FBXW8: variants seen among roughly 807,000 people sequenced by gnomAD.
FBXW8 encodes F-box/WD repeat-containing protein 8.
FBXW8 carries 57 observed loss-of-function variants against 65.3 expected under a neutral mutation model. That is an observed-to-expected ratio of 0.87 (90% CI 0.71 to 1.09). FBXW8 has a LOEUF of 1.09. Ranked by LOEUF, FBXW8 falls within the 50% of genes least tolerant of loss-of-function variation. The probability of loss-of-function intolerance (pLI) is 0.00; values close to 1 mark genes in which losing one functional copy is unlikely to be tolerated. For synonymous variants in FBXW8, 308 were observed against 330.2 expected, an observed-to-expected ratio of 0.93 and a Z score of 0.73; for missense variants, 777 against 814.8, an observed-to-expected ratio of 0.95 and a Z score of 0.57.
At chr12:116,912,685 G>A (rs954395545) in intron 1 of FBXW8, among the ~76,000 whole-genome samples, 15 of 151,828 alleles carry the variant, frequency 9.9e-5, no homozygotes, top group Non-Finnish European at 1.8e-4. Context: ...GGATGGTCTC[G>A]ATCTCCTGAC....
chr12:116,923,642 G>C (rs1186919306), intron 1 of FBXW8, among the ~76,000 whole-genome samples: 3 of 151,822 alleles, frequency 2.0e-5, no homozygotes, highest in African/African-American at 7.3e-5. Context: ...TCCTGGCTCA[G>C]CCTCTCGAGT....
intron 7 of FBXW8, among the ~76,000 whole-genome samples, chr12:117,006,046 G>A (rs954438121): frequency 1.1e-4 from 16 of 152,190 alleles, no homozygotes; most frequent in African/African-American, 3.4e-4. Context: ...CTATTGTCTT[G>A]TAAGGAAGCC....
At chr12:116,969,695 C>T (rs7316144) in intron 5 of FBXW8, among the ~76,000 whole-genome samples, 102,564 of 151,568 alleles carry the variant, frequency 0.68, 39,557 homozygotes, top group Non-Finnish European at 0.84. Flanking sequence ...GAAACGCCCT[C>T]GCTGGTCTAC....
chr12:116,994,570 T>C (rs900960283), intron 7 of FBXW8, among the ~76,000 whole-genome samples: 3 of 152,248 alleles, frequency 2.0e-5, no homozygotes, highest in African/African-American at 4.8e-5. Context: ...TATGCACTTA[T>C]AATCAAATTA....
chr12:116,940,349 A>C (rs1291099842), intron 2 of FBXW8, among the ~76,000 whole-genome samples: 3 of 146,926 alleles, frequency 2.0e-5, no homozygotes, highest in African/African-American at 7.6e-5. Flanking sequence ...GCAATGGATG[A>C]CAGAATTGGG....
chr12:116,922,346 C>T (rs2137297824), intron 1 of FBXW8, among the ~76,000 whole-genome samples: 1 of 152,170 alleles, frequency 6.6e-6, no homozygotes, highest in Admixed American at 6.5e-5. Context: ...TTTTGCAGTA[C>T]ATGGAAAGTT....
At chr12:116,988,262 A>G (rs748274317) in intron 6 of FBXW8, among the ~76,000 whole-genome samples, 3 of 152,162 alleles carry the variant, frequency 2.0e-5, no homozygotes, top group Non-Finnish European at 4.4e-5. Flanking sequence ...TGGTATTTTG[A>G]TAAGAGTAGC....
intron 4 of FBXW8, among the ~76,000 whole-genome samples, chr12:116,956,639 A>G (rs963031387): frequency 2.6e-5 from 4 of 152,228 alleles, no homozygotes; most frequent in Non-Finnish European, 5.9e-5. Context: ...GTGGAATTTT[A>G]TCATTGTTTT....
intron 2 of FBXW8, among the ~76,000 whole-genome samples, chr12:116,938,298 C>A (rs1882300520): frequency 6.6e-6 from 1 of 152,124 alleles, no homozygotes; most frequent in Non-Finnish European, 1.5e-5. Flanking sequence ...CAATCCTGAT[C>A]CCTTTTTGGA....
intron 8 of FBXW8, among the ~76,000 whole-genome samples, chr12:117,020,203 T>C (rs1954062074): frequency 1.3e-5 from 2 of 152,244 alleles, no homozygotes. Flanking sequence ...GTCACCTACG[T>C]CATTCCAGTT....
chr12:116,973,925 C>T (rs1239852900), intron 5 of FBXW8, among the ~76,000 whole-genome samples: 1 of 152,212 alleles, frequency 6.6e-6, no homozygotes, highest in Non-Finnish European at 1.5e-5. Flanking sequence ...CTGGATTTAT[C>T]TTTCCACCTT....
intron 5 of FBXW8, among the ~76,000 whole-genome samples, chr12:116,977,239 A>G (rs1885004156): frequency 6.6e-6 from 1 of 152,148 alleles, no homozygotes; most frequent in South Asian, 2.1e-4. Context: ...ACTTTCCTTG[A>G]AAGGGAATTA....
intron 8 of FBXW8, among the ~76,000 whole-genome samples, chr12:117,021,073 C>T (rs1196792202): frequency 2.0e-5 from 3 of 152,204 alleles, no homozygotes; most frequent in Non-Finnish European, 4.4e-5. Context: ...TTCTGCTCGC[C>T]TCAGCTGTCT....
intron 9 of FBXW8, among the ~76,000 whole-genome samples, chr12:117,026,175 G>C (rs577350154): frequency 6.2e-4 from 94 of 152,270 alleles, no homozygotes; most frequent in African/African-American, 2.1e-3. Flanking sequence ...TGCCTGACAG[G>C]GTGCCGTCAG....
intron 5 of FBXW8, among the ~76,000 whole-genome samples, chr12:116,971,028 T>A (rs1884616128): frequency 6.6e-6 from 1 of 152,140 alleles, no homozygotes; most frequent in Non-Finnish European, 1.5e-5. Flanking sequence ...TTCATAAATG[T>A]AAACTTTTTT....
In FBXW8 at chr12:117,027,641, CAT is replaced by C. The variant is rs1354035447; in HGVS notation, c.1652+139_1652+140del. The stretch of plus-strand genomic sequence containing the variant: ...GCCCTGCCTTTCTGCGAATTGGAAA[CAT>C]AAACGTGGATGCTGACCTGTACTGA... On this transcript the variant is annotated intron_variant, in intron 10 of 10. Transcript: ENST00000652555. The C allele has an allele frequency of 5.5e-6, 4 of 730,302 alleles. No individual in the cohort carries two copies. In the South Asian group the frequency reaches 6.6e-5, roughly 12 times the overall value. 45.2% of individuals were successfully genotyped at this position (730,302 alleles called of 1,614,324 possible). A position where few individuals can be genotyped will look rare whatever the true frequency, so the allele number is the denominator to read the frequency against.
intron 1 of FBXW8, among the ~76,000 whole-genome samples, chr12:116,913,478 A>G (rs1016673109): frequency 5.3e-5 from 8 of 152,234 alleles, no homozygotes; most frequent in Non-Finnish European, 1.5e-5. Context: ...TCTGTGTGTT[A>G]TATACTGTAG....
intron 5 of FBXW8, 49 bp from the exon 6 acceptor site, chr12:116,985,157 A>G: frequency 1.3e-6 from 2 of 1,482,720 alleles, no homozygotes; most frequent in Non-Finnish European, 9.0e-7. Context: ...ATAATTGAAC[A>G]TATTAAGTAA....
rs1218288052 is a variant in FBXW8, at chr12:116,948,638, T to C, written c.589-980T>C. 2.6e-5 allele frequency: 4 copies of C among 152,204 alleles called. No individual in the cohort carries two copies. The East Asian group carries it at 5.8e-4, about 22-fold the overall frequency. The allele number at this position is 152,204 out of a possible 1,614,324, so 9.4% of individuals were successfully genotyped here. A position where few individuals can be genotyped will look rare whatever the true frequency, so the allele number is the denominator to read the frequency against. Reference sequence around the variant, plus strand: ...TTGTCCCAGTCTGGTAAAGTTGAAATTATGGTATTCTTGAATACCTTTATT... The same window carrying C: ...TTGTCCCAGTCTGGTAAAGTTGAAACTATGGTATTCTTGAATACCTTTATT... On this transcript the variant is annotated intron_variant, in intron 3 of 10. Coordinates refer to ENST00000652555, the MANE Select transcript of FBXW8 (RefSeq NM_153348.3).
Sources: gnomAD v4.1 joint callset for allele counts (sites outside exome capture counted in the v4.1 genomes callset) on GRCh38, gnomAD v4.1.1 for gene constraint, MANE v1.5 for transcripts, NCBI Gene and HGNC (gene_info 2026-07-23, HGNC 2026-07-21) for gene names.